The following PCDHA3 variants were observed in gnomAD, a reference collection of about 807,000 sequenced individuals.
The protein encoded by PCDHA3 is protocadherin alpha 3.
In PCDHA3, 41 loss-of-function variants were observed where a neutral mutation model predicts 62.2. That is an observed-to-expected ratio of 0.66 (90% CI 0.51 to 0.86). The LOEUF (loss-of-function observed/expected upper bound fraction) is 0.86. Among genes scored for constraint, PCDHA3 ranks in the 40% least tolerant of loss-of-function variants. The pLI is 0.00. For synonymous variants in PCDHA3, 640 were observed against 555.4 expected, an observed-to-expected ratio of 1.15 and a Z score of -2.14; for missense variants, 1,304 against 1,241.2, an observed-to-expected ratio of 1.05 and a Z score of -0.76.
intron 3 of PCDHA3, among the ~76,000 whole-genome samples, chr5:140,990,850 T>C (rs528860965): frequency 3.3e-5 from 5 of 152,312 alleles, no homozygotes; most frequent in African/African-American, 1.2e-4. Context: ...AATAGAGCCC[T>C]GAGGACATTG....
chr5:140,927,682 T>C, intron 1 of PCDHA3: 1 of 1,613,992 alleles, frequency 6.2e-7, no homozygotes, highest in Non-Finnish European at 8.5e-7. Flanking sequence ...AGATGAAGGG[T>C]CCAATGGGGA....
At chr5:140,823,720 C>T in intron 1 of PCDHA3, 1 of 1,613,952 alleles carries the variant, frequency 6.2e-7, no homozygotes, top group Non-Finnish European at 8.5e-7. Context: ...CCTTCTGGTG[C>T]TGGTGAAGGA....
chr5:140,967,116 G>T, intron 1 of PCDHA3: 1 of 1,612,922 alleles, frequency 6.2e-7, no homozygotes, highest in Non-Finnish European at 8.5e-7. Flanking sequence ...CGGCCTCGCT[G>T]CCTGCTCAGC....
At chr5:140,939,960 T>G (rs1216904868) in intron 1 of PCDHA3, among the ~76,000 whole-genome samples, 2 of 152,258 alleles carry the variant, frequency 1.3e-5, no homozygotes, top group African/African-American at 2.4e-5. Context: ...TATGTTAAAG[T>G]GTTCCACGAT....
chr5:140,808,501 G>T (rs781840544), intron 1 of PCDHA3: 5 of 1,614,178 alleles, frequency 3.1e-6, no homozygotes, highest in African/African-American at 1.3e-5. Context: ...TGTGGGCCAC[G>T]GCCAGTGTTT....
chr5:140,834,695 C>A (rs2150224453), intron 1 of PCDHA3: 1 of 1,614,120 alleles, frequency 6.2e-7, no homozygotes, highest in Non-Finnish European at 8.5e-7. Context: ...AGTGCAGCAT[C>A]CACCTGGAGG....
chr5:140,955,493 T>G (rs1554221955), intron 1 of PCDHA3, among the ~76,000 whole-genome samples: 1 of 152,190 alleles, frequency 6.6e-6, no homozygotes, highest in African/African-American at 2.4e-5. Flanking sequence ...CCTGCCACCA[T>G]GTGAAGAAAG....
intron 1 of PCDHA3, chr5:140,803,819 A>G: frequency 1.5e-6 from 1 of 663,036 alleles, no homozygotes; most frequent in South Asian, 2.1e-5. Context: ...TTTTGTTATT[A>G]GGTGCAGTAG....
intron 1 of PCDHA3, among the ~76,000 whole-genome samples, chr5:140,837,759 C>T (rs1554136626): frequency 6.6e-6 from 1 of 151,774 alleles, no homozygotes; most frequent in Non-Finnish European, 1.5e-5. Context: ...CCACTGCAAC[C>T]TGAAAGTCCT....
At chr5:140,967,252 G>A (rs199714982) in intron 1 of PCDHA3, 1 of 1,613,504 alleles carries the variant, frequency 6.2e-7, no homozygotes, top group Non-Finnish European at 8.5e-7. Flanking sequence ...AATCGGTGGC[G>A]CCTGGAGCGC....
chr5:140,843,645 G>A, intron 1 of PCDHA3: 1 of 1,595,642 alleles, frequency 6.3e-7, no homozygotes. Context: ...TTCAGCCCCT[G>A]CCTTCCTCCT....
At chr5:140,978,424 TCA>T (rs2096801674) in intron 1 of PCDHA3, among the ~76,000 whole-genome samples, 1 of 152,238 alleles carries the variant, frequency 6.6e-6, no homozygotes, top group Non-Finnish European at 1.5e-5. Flanking sequence ...GAGACTGTTA[TCA>T]GTTGCTGGTG....
rs2150340474 is a variant in PCDHA3, at chr5:140,842,609, G to A, written c.2394+39018G>A. On this transcript the variant is annotated intron_variant, in intron 1 of 3. Transcript: ENST00000522353. ...TGAGTTGGTGGTAACCGCGCGGGAC[G>A]GGGGCTCGCCTTCGCTGTGGGCCAC... 1.8e-5 allele frequency: 28 copies of A among 1,595,750 alleles called. 2 individuals carry two copies. Among genetic ancestry groups the A allele is most frequent in the African/African-American group, 2.7e-5 (2 of 74,312 alleles).
chr5:140,993,462 TCACACACACACACACACA>T (rs3836747), intron 3 of PCDHA3, among the ~76,000 whole-genome samples: 75 of 141,044 alleles, frequency 5.3e-4, no homozygotes, highest in African/African-American at 1.6e-3. Flanking sequence ...TCTTTCTTTC[TCACACACACACACACACA>T]CACACACACA....
intron 1 of PCDHA3, among the ~76,000 whole-genome samples, chr5:140,918,605 G>T (rs2078775246): frequency 6.6e-6 from 1 of 152,198 alleles, no homozygotes; most frequent in Non-Finnish European, 1.5e-5. Flanking sequence ...ATGTTGCTAT[G>T]ATATGAATGT....
intron 1 of PCDHA3, chr5:140,807,835 T>G: frequency 6.2e-7 from 1 of 1,614,194 alleles, no homozygotes; most frequent in Non-Finnish European, 8.5e-7. Context: ...CAGCCACTGA[T>G]GGAGGCAAAC....
intron 1 of PCDHA3, chr5:140,854,600 A>G (rs1474878225): frequency 6.7e-6 from 1 of 149,994 alleles, no homozygotes; most frequent in African/African-American, 2.4e-5. Flanking sequence ...GTTTAAAGTA[A>G]TTGACACATT....
At chr5:141,008,784 A>G (rs541946217) in intron 3 of PCDHA3, among the ~76,000 whole-genome samples, 2 of 152,320 alleles carry the variant, frequency 1.3e-5, no homozygotes, top group East Asian at 3.9e-4. Flanking sequence ...ATTGGCTCCC[A>G]GTGTTTTATC....
At chr5:140,935,676 A>G (rs1168512325) in intron 1 of PCDHA3, among the ~76,000 whole-genome samples, 1 of 152,166 alleles carries the variant, frequency 6.6e-6, no homozygotes, top group Non-Finnish European at 1.5e-5. Context: ...TATGTGAAAT[A>G]TTTACATGGC....
Sources: allele counts gnomAD v4.1 joint callset (sites outside exome capture counted in the v4.1 genomes callset), GRCh38; gene constraint gnomAD v4.1.1; transcripts MANE v1.5; gene names NCBI Gene and HGNC (gene_info 2026-07-23, HGNC 2026-07-21).